The following ST3GAL3 variants were observed in gnomAD, a reference collection of about 807,000 sequenced individuals.
The protein encoded by ST3GAL3 is CMP-N-acetylneuraminate-beta-1,4-galactoside alpha-2,3-sialyltransferase.
A neutral mutation model predicts 50.1 loss-of-function variants in ST3GAL3; 21 were observed. The observed-to-expected ratio is 0.42, with a 90% CI of 0.30 to 0.60. ST3GAL3 has a LOEUF of 0.60. ST3GAL3 is among the 20% of genes least tolerant of loss of function. ST3GAL3 has a pLI of 0.19. For synonymous variants in ST3GAL3, 183 were observed against 190.0 expected (o/e 0.96, Z 0.30); for missense variants, 353 against 489.4 (o/e 0.72, Z 2.63).
At chr1:43,801,691 C>G (rs2059337500) in intron 3 of ST3GAL3, 1 of 179,946 alleles carries the variant, frequency 5.6e-6, no homozygotes, top group Non-Finnish European at 1.2e-5. Context: ...TGGTGGCTCA[C>G]ACCTGTAATC....
intron 5 of ST3GAL3, among the ~76,000 whole-genome samples, chr1:43,881,204 T>C (rs1453891500): frequency 1.3e-5 from 2 of 152,114 alleles, no homozygotes; most frequent in African/African-American, 2.4e-5. Context: ...AGAGACAGGG[T>C]TTCACCATGT....
chr1:43,924,684 A>G (rs1353173666), intron 11 of ST3GAL3, among the ~76,000 whole-genome samples: 1 of 152,324 alleles, frequency 6.6e-6, no homozygotes, highest in East Asian at 1.9e-4. Context: ...GGCTGAGACA[A>G]TGAGAGGTGA....
chr1:43,888,247 G>A (rs189418582), intron 5 of ST3GAL3, among the ~76,000 whole-genome samples: 37 of 152,174 alleles, frequency 2.4e-4, no homozygotes, highest in African/African-American at 8.4e-4. Context: ...AAAAAGTATG[G>A]ATGAATTTCT....
intron 11 of ST3GAL3, among the ~76,000 whole-genome samples, chr1:43,926,895 A>C (rs1001657575): frequency 6.6e-6 from 1 of 152,184 alleles, no homozygotes; most frequent in Admixed American, 6.5e-5. Flanking sequence ...AGAGGATAAT[A>C]TCATGAACTC....
chr1:43,818,093 TCTC>T (rs2061644019), intron 4 of ST3GAL3, among the ~76,000 whole-genome samples: 2 of 152,122 alleles, frequency 1.3e-5, no homozygotes, highest in Admixed American at 6.6e-5. Context: ...TCAGCCATTA[TCTC>T]TTTAAATATT....
intron 5 of ST3GAL3, among the ~76,000 whole-genome samples, chr1:43,854,772 T>C (rs2068018428): frequency 1.3e-5 from 2 of 152,192 alleles, no homozygotes; most frequent in East Asian, 1.9e-4. Context: ...TTTCAGGAAA[T>C]GGCACCACTA....
intron 5 of ST3GAL3, among the ~76,000 whole-genome samples, chr1:43,854,121 A>G (rs2067881968): frequency 6.6e-6 from 1 of 152,198 alleles, no homozygotes; most frequent in Admixed American, 6.5e-5. Flanking sequence ...ATGGAGAAGA[A>G]TGGAATACCA....
chr1:43,819,443 C>G (rs189368278), intron 4 of ST3GAL3, among the ~76,000 whole-genome samples: 1 of 151,890 alleles, frequency 6.6e-6, no homozygotes, highest in South Asian at 2.1e-4. Context: ...ATTTTTTCCC[C>G]CATCTATTAA....
chr1:43,733,012 T>G (rs1314774954), intron 1 of ST3GAL3, among the ~76,000 whole-genome samples: 1 of 151,012 alleles, frequency 6.6e-6, no homozygotes, highest in Non-Finnish European at 1.5e-5. Flanking sequence ...ACAGCATCTC[T>G]CTGTTGCCCA....
intron 5 of ST3GAL3, among the ~76,000 whole-genome samples, chr1:43,865,162 A>G (rs534238606): frequency 7.3e-5 from 11 of 151,538 alleles, no homozygotes; most frequent in Non-Finnish European, 1.3e-4. Flanking sequence ...GACTACAGGC[A>G]CCCACCACCA....
intron 2 of ST3GAL3, among the ~76,000 whole-genome samples, chr1:43,744,140 A>G (rs1161749454): frequency 6.6e-6 from 1 of 152,192 alleles, no homozygotes; most frequent in Non-Finnish European, 1.5e-5. Flanking sequence ...TCATCATAAA[A>G]CCAAAGACAG....
intron 2 of ST3GAL3, among the ~76,000 whole-genome samples, chr1:43,765,784 T>TGCGC (rs67184106): frequency 4.9e-4 from 67 of 136,930 alleles, no homozygotes; most frequent in Middle Eastern, 3.6e-3. Flanking sequence ...TGTGTGTGTG[T>TGCGC]GCGCGCGCGC....
chr1:43,824,762 G>C (rs747524997), intron 4 of ST3GAL3: 2 of 1,612,738 alleles, frequency 1.2e-6, no homozygotes, highest in Non-Finnish European at 1.7e-6. Flanking sequence ...GGTGGTTTTT[G>C]GCCTTGACTG....
chr1:43,718,455 C>G (rs937209201), intron 1 of ST3GAL3, among the ~76,000 whole-genome samples: 11 of 151,426 alleles, frequency 7.3e-5, no homozygotes, highest in Non-Finnish European at 1.2e-4. Context: ...TCTCAAAGTG[C>G]TGGGATTACA....
intron 5 of ST3GAL3, among the ~76,000 whole-genome samples, chr1:43,849,949 G>A (rs574162406): frequency 6.6e-6 from 1 of 152,328 alleles, no homozygotes; most frequent in South Asian, 2.1e-4. Context: ...AGCCTAGGGA[G>A]AGTAAAACAC....
rs755538049 is a variant in ST3GAL3, at chr1:43,899,733, C to G, written c.744+6C>G. On this transcript the variant is annotated splice_donor_region_variant and intron_variant, in intron 9 of 11. Transcript: ENST00000347631. This position sits in a 1 kb window ranked among gnomAD's most constrained non-coding sequence, Gnocchi z 5.4. ...TCGTCTACAAGGAGAGAGTGGTAAGCTCTCCTGGCACCAGCTTCTTCCCCT... is the reference window on the plus strand; with the variant it reads ...TCGTCTACAAGGAGAGAGTGGTAAGGTCTCCTGGCACCAGCTTCTTCCCCT... The G allele has an allele frequency of 6.2e-7, 1 of 1,613,658 alleles. No homozygotes were observed. Among genetic ancestry groups the G allele is most frequent in the Non-Finnish European group, 8.5e-7 (1 of 1,179,824 alleles).
intron 1 of ST3GAL3, among the ~76,000 whole-genome samples, chr1:43,719,867 A>G (rs1055226286): frequency 1.5e-5 from 2 of 130,524 alleles, no homozygotes; most frequent in African/African-American, 2.8e-5. Context: ...TGAGAGGCGG[A>G]GGTTTCAGTG....
At position 43,930,585 on chromosome 1, in the gene ST3GAL3, AT is replaced by A. The variant is rs1018654375; in HGVS notation, c.*369del. ...GTAGGGGGGAGGGTAGGGATAATTTATTTTTAAATAAGGTTGGAGATGTCAA... is the reference window on the plus strand; with the variant it reads ...GTAGGGGGGAGGGTAGGGATAATTTATTTTAAATAAGGTTGGAGATGTCAA... On this transcript the variant is annotated 3_prime_UTR_variant, in exon 12 of 12. Coordinates refer to ENST00000347631, the MANE Select transcript of ST3GAL3 (RefSeq NM_006279.5). 2.4e-5 allele frequency: 9 copies of A among 367,908 alleles called. No homozygotes were observed. Among genetic ancestry groups the A allele is most frequent in the African/African-American group, 1.9e-4 (9 of 47,634 alleles). 22.8% of individuals were successfully genotyped at this position (367,908 alleles called of 1,614,324 possible).
intron 4 of ST3GAL3, among the ~76,000 whole-genome samples, chr1:43,821,771 C>T (rs2062127751): frequency 6.6e-6 from 1 of 152,130 alleles, no homozygotes; most frequent in Non-Finnish European, 1.5e-5. Flanking sequence ...CATCTGCTCT[C>T]TGAAAGGGGT....
Sources: allele counts gnomAD v4.1 joint callset (sites outside exome capture counted in the v4.1 genomes callset), GRCh38; gene constraint gnomAD v4.1.1; non-coding constraint Gnocchi (gnomAD v3.1); transcripts MANE v1.5; gene names NCBI Gene and HGNC (gene_info 2026-07-23, HGNC 2026-07-21).